The following DNER variants were observed in gnomAD, a reference collection of about 807,000 sequenced individuals.
DNER encodes the protein delta and Notch-like epidermal growth factor-related receptor.
A neutral mutation model predicts 78.2 loss-of-function variants in DNER; 33 were observed. That is an observed-to-expected ratio of 0.42 (90% CI 0.32 to 0.56). The LOEUF (loss-of-function observed/expected upper bound fraction) is 0.56, where lower values mean the gene tolerates loss of function less well. DNER is among the 20% of genes least tolerant of loss of function. DNER has a pLI of 0.11. For missense variants in DNER, 918 were observed against 975.3 expected (o/e 0.94, Z 0.78); for synonymous variants, 417 against 384.8 (o/e 1.08, Z -0.98).
At chr2:229,690,061 T>C (rs1419361886) in intron 1 of DNER, among the ~76,000 whole-genome samples, 1 of 152,234 alleles carries the variant, frequency 6.6e-6, no homozygotes, top group Non-Finnish European at 1.5e-5. Flanking sequence ...TCTCAGAATA[T>C]TCATGAGTAA....
At chr2:229,620,995 G>A (rs1287812499) in intron 1 of DNER, among the ~76,000 whole-genome samples, 1 of 152,190 alleles carries the variant, frequency 6.6e-6, no homozygotes, top group East Asian at 1.9e-4. Context: ...CCAGCACTGT[G>A]AGAAAATAAA....
intron 7 of DNER, among the ~76,000 whole-genome samples, chr2:229,454,744 CT>C (rs1323951823): frequency 2.0e-5 from 3 of 151,664 alleles, no homozygotes; most frequent in Non-Finnish European, 4.4e-5. Flanking sequence ...TAAAATTTTG[CT>C]TTTTCTTACC....
At chr2:229,450,974 C>G (rs6717853) in intron 7 of DNER, among the ~76,000 whole-genome samples, 18,593 of 152,210 alleles carry the variant, frequency 0.12, 1,218 homozygotes, top group South Asian at 0.22. Flanking sequence ...TCTGTGTTCA[C>G]CACCCCAGCA....
chr2:229,444,542 C>CT (rs1474469472), intron 8 of DNER, among the ~76,000 whole-genome samples: 6 of 152,200 alleles, frequency 3.9e-5, no homozygotes, highest in Non-Finnish European at 8.8e-5. Flanking sequence ...TTAAAAAACA[C>CT]TATTTATCTC....
chr2:229,515,968 A>C (rs763895021), intron 5 of DNER, among the ~76,000 whole-genome samples: 1 of 152,212 alleles, frequency 6.6e-6, no homozygotes, highest in Non-Finnish European at 1.5e-5. Flanking sequence ...GATTGAATTT[A>C]GAGATAAAAC....
intron 5 of DNER, among the ~76,000 whole-genome samples, chr2:229,532,050 G>A (rs1194493656): frequency 6.6e-6 from 1 of 152,174 alleles, no homozygotes; most frequent in Non-Finnish European, 1.5e-5. Flanking sequence ...TATTTTGGGG[G>A]TGATGAGAAT....
intron 6 of DNER, among the ~76,000 whole-genome samples, chr2:229,491,868 C>A (rs1222633612): frequency 1.3e-5 from 2 of 152,016 alleles, no homozygotes; most frequent in Admixed American, 6.6e-5. Flanking sequence ...CATCCATGAT[C>A]TCTTACCAAA....
intron 1 of DNER, among the ~76,000 whole-genome samples, chr2:229,690,479 G>C (rs1018230475): frequency 6.6e-6 from 1 of 152,174 alleles, no homozygotes; most frequent in African/African-American, 2.4e-5. Flanking sequence ...ACCTTGCTAT[G>C]CCCAATGCCA....
chr2:229,651,601 G>A (rs1384139487), intron 1 of DNER, among the ~76,000 whole-genome samples: 1 of 152,180 alleles, frequency 6.6e-6, no homozygotes, highest in African/African-American at 2.4e-5. Context: ...GTCCCTCCCT[G>A]GGCTGCTCCC....
intron 1 of DNER, among the ~76,000 whole-genome samples, chr2:229,666,240 T>G (rs1355004541): frequency 6.6e-6 from 1 of 152,164 alleles, no homozygotes; most frequent in African/African-American, 2.4e-5. Flanking sequence ...TTCCCTTCCC[T>G]TGCAACCTAC....
chr2:229,673,227 G>A (rs1288760298), intron 1 of DNER, among the ~76,000 whole-genome samples: 3 of 152,192 alleles, frequency 2.0e-5, no homozygotes, highest in African/African-American at 7.2e-5. Context: ...GCAAGCCCAG[G>A]ATCAGAACTG....
At chr2:229,365,590 C>T (rs1343596365) in intron 12 of DNER, among the ~76,000 whole-genome samples, 1 of 152,182 alleles carries the variant, frequency 6.6e-6, no homozygotes, top group Non-Finnish European at 1.5e-5. Flanking sequence ...GCACCCGCCA[C>T]CATGCCTGGC....
intron 1 of DNER, among the ~76,000 whole-genome samples, chr2:229,663,418 C>A (rs1699039616): frequency 6.6e-6 from 1 of 152,192 alleles, no homozygotes; most frequent in Non-Finnish European, 1.5e-5. Flanking sequence ...AGCACGTGAA[C>A]AAACCAAAGA....
At chr2:229,530,844 C>A (rs150899578) in intron 5 of DNER, among the ~76,000 whole-genome samples, 4 of 152,314 alleles carry the variant, frequency 2.6e-5, no homozygotes, top group African/African-American at 9.6e-5. Flanking sequence ...TGGAATGATT[C>A]CCCTGTTACC....
chr2:229,544,005 C>T lies in DNER; in HGVS notation c.993+2942G>A, dbSNP rs561867954. Among the ~76,000 whole-genome samples, 6 of 152,236 alleles carry T rather than the reference C, an allele frequency of 3.9e-5. No homozygotes were observed. The East Asian group carries it at 9.6e-4, about 24-fold the overall frequency. ...AATTCACAACTATACACACACGCCA[C>T]CCCACTTGCCCTTACCCTCAAACCT... On this transcript the variant is annotated intron_variant, in intron 5 of 12. Transcript: ENST00000341772.
chr2:229,674,099 CTT>C (rs1459043290), intron 1 of DNER, among the ~76,000 whole-genome samples: 1 of 152,256 alleles, frequency 6.6e-6, no homozygotes, highest in Non-Finnish European at 1.5e-5. Flanking sequence ...CCCCTTGCTC[CTT>C]CAGGACTATG....
At chr2:229,542,176 A>T (rs1389322308) in intron 5 of DNER, among the ~76,000 whole-genome samples, 1 of 152,022 alleles carries the variant, frequency 6.6e-6, no homozygotes, top group Admixed American at 6.6e-5. Context: ...TAAGGAGTCA[A>T]TCACCAATAG....
intron 6 of DNER, among the ~76,000 whole-genome samples, chr2:229,487,748 A>T (rs1695307666): frequency 6.6e-6 from 1 of 152,354 alleles, no homozygotes; most frequent in Non-Finnish European, 1.5e-5. Flanking sequence ...ATCTAAAAGA[A>T]GTTCAGGAAC....
chr2:229,695,470 A>G (rs573840466), intron 1 of DNER, among the ~76,000 whole-genome samples: 127 of 152,288 alleles, frequency 8.3e-4, no homozygotes, highest in African/African-American at 2.9e-3. Flanking sequence ...AGTGTTTGCA[A>G]TGTCTGGGCA....
Sources: gnomAD v4.1 joint callset for allele counts (sites outside exome capture counted in the v4.1 genomes callset) on GRCh38, gnomAD v4.1.1 for gene constraint, MANE v1.5 for transcripts, NCBI Gene and HGNC (gene_info 2026-07-23, HGNC 2026-07-21) for gene names.